The following WDFY2 variants were observed in gnomAD, a reference collection of about 807,000 sequenced individuals.
The protein encoded by WDFY2 is WD repeat and FYVE domain containing 2, also known as WD repeat and FYVE domain-containing protein 2.
In WDFY2, 36 loss-of-function variants were observed where a neutral mutation model predicts 56.4. The observed-to-expected ratio is 0.64, with a 90% CI of 0.49 to 0.84. The LOEUF is 0.84. Among genes scored for constraint, WDFY2 ranks in the 40% least tolerant of loss-of-function variants. The probability of loss-of-function intolerance (pLI) is 0.00; values close to 1 mark genes in which losing one functional copy is unlikely to be tolerated. For missense variants in WDFY2, 444 were observed against 512.2 expected, an observed-to-expected ratio of 0.87 and a Z score of 1.29; for synonymous variants, 176 against 183.7, an observed-to-expected ratio of 0.96 and a Z score of 0.34.
chr13:51,625,484 G>C (rs770029769), intron 1 of WDFY2, among the ~76,000 whole-genome samples: 17 of 152,148 alleles, frequency 1.1e-4, no homozygotes, highest in African/African-American at 4.1e-4. Flanking sequence ...AGGTAAATCT[G>C]TTCATCTTAA....
At chr13:51,609,421 G>C (rs1954446709) in intron 1 of WDFY2, among the ~76,000 whole-genome samples, 1 of 152,118 alleles carries the variant, frequency 6.6e-6, no homozygotes. Context: ...ATTGATAGTT[G>C]ACCTTGGAAA....
chr13:51,623,058 A>C (rs558392203), intron 1 of WDFY2, among the ~76,000 whole-genome samples: 1 of 152,096 alleles, frequency 6.6e-6, no homozygotes, highest in Non-Finnish European at 1.5e-5. Flanking sequence ...GGGTTTTGCC[A>C]TGTTGGCCAG....
chr13:51,757,805 T>C (rs1321843780), intron 10 of WDFY2, among the ~76,000 whole-genome samples: 2 of 151,288 alleles, frequency 1.3e-5, no homozygotes, highest in African/African-American at 2.4e-5. Flanking sequence ...CTTAGTAATA[T>C]CATGGGACAC....
At chr13:51,609,353 CA>C (rs753210468) in intron 1 of WDFY2, among the ~76,000 whole-genome samples, 8 of 152,144 alleles carry the variant, frequency 5.3e-5, no homozygotes, top group Non-Finnish European at 7.4e-5. Context: ...TTTTAGTCCT[CA>C]AAAGATTAGA....
chr13:51,661,264 G>A (rs926996969), intron 2 of WDFY2, among the ~76,000 whole-genome samples: 2 of 152,152 alleles, frequency 1.3e-5, no homozygotes, highest in Non-Finnish European at 2.9e-5. Context: ...CACAGCTGAA[G>A]AAGACCTGGC....
chr13:51,647,650 G>A (rs1257946260), intron 1 of WDFY2, among the ~76,000 whole-genome samples: 1 of 151,828 alleles, frequency 6.6e-6, no homozygotes, highest in Admixed American at 6.6e-5. Context: ...TTAGCTACTT[G>A]GGATGCTGAG....
At chr13:51,642,187 C>T (rs533546810) in intron 1 of WDFY2, among the ~76,000 whole-genome samples, 28 of 152,072 alleles carry the variant, frequency 1.8e-4, no homozygotes, top group South Asian at 6.2e-4. Context: ...CTGTGAATAC[C>T]GTATTCTATT....
chr13:51,651,225 ATAG>A (rs1002118228), intron 1 of WDFY2, among the ~76,000 whole-genome samples: 13 of 152,236 alleles, frequency 8.5e-5, no homozygotes, highest in African/African-American at 3.1e-4. Flanking sequence ...GTATTCTCTG[ATAG>A]TAGTTTGTAT....
chr13:51,636,880 G>C (rs1256888391), intron 1 of WDFY2, among the ~76,000 whole-genome samples: 1 of 152,068 alleles, frequency 6.6e-6, no homozygotes, highest in East Asian at 1.9e-4. Context: ...GGAACAATTG[G>C]GTACACACAT....
chr13:51,756,263 G>C, intron 9 of WDFY2, 69 bp from the exon 10 acceptor site: 1 of 1,548,578 alleles, frequency 6.5e-7, no homozygotes, highest in Non-Finnish European at 8.7e-7. Flanking sequence ...CTGCCAGGAG[G>C]GGTGAGATGC....
chr13:51,639,422 AATC>A (rs1955114774), intron 1 of WDFY2, among the ~76,000 whole-genome samples: 1 of 152,234 alleles, frequency 6.6e-6, no homozygotes, highest in Non-Finnish European at 1.5e-5. Flanking sequence ...ATTTATTCAA[AATC>A]ATCACTTTAT....
chr13:51,645,141 C>CT (rs1001885671), intron 1 of WDFY2, among the ~76,000 whole-genome samples: 2 of 148,838 alleles, frequency 1.3e-5, no homozygotes, highest in Admixed American at 6.7e-5. Flanking sequence ...TTTTTTTTTT[C>CT]TTTTTTTTCT....
rs1426735597 is a variant in WDFY2 at position 51,765,130 on chromosome 13, G to A, written c.*5361G>A. 1 of 152,238 alleles carries A rather than the reference G, an allele frequency of 6.6e-6. No homozygotes were observed. Among genetic ancestry groups the A allele is most frequent in the Non-Finnish European group, 1.5e-5 (1 of 68,064 alleles). The allele number at this position is 152,238 out of a possible 1,614,324, so 9.4% of individuals were successfully genotyped here. ...TCTGTCTGGGAGACCTGGCCCTGTGGAGGCAGGAACACCGTGCAGGGGCAT... is the reference window on the plus strand; with the variant it reads ...TCTGTCTGGGAGACCTGGCCCTGTGAAGGCAGGAACACCGTGCAGGGGCAT... On this transcript the variant is annotated 3_prime_UTR_variant, in exon 12 of 12. Coordinates refer to ENST00000298125, the MANE Select transcript of WDFY2 (RefSeq NM_052950.4).
chr13:51,624,945 A>G (rs1475123092), intron 1 of WDFY2, among the ~76,000 whole-genome samples: 1 of 152,222 alleles, frequency 6.6e-6, no homozygotes, highest in African/African-American at 2.4e-5. Flanking sequence ...TCACAAGACA[A>G]AAAGTGTTGT....
chr13:51,631,373 G>A (rs1230899622), intron 1 of WDFY2, among the ~76,000 whole-genome samples: 34 of 146,302 alleles, frequency 2.3e-4, no homozygotes, highest in Admixed American at 6.1e-4. Context: ...CCTGGGAGAT[G>A]AAGCAAGATC....
At chr13:51,716,233 G>C (rs1952343131) in intron 4 of WDFY2, among the ~76,000 whole-genome samples, 1 of 152,102 alleles carries the variant, frequency 6.6e-6, no homozygotes, top group African/African-American at 2.4e-5. Flanking sequence ...GTGGGAGTTG[G>C]GAATATAGAG....
intron 1 of WDFY2, among the ~76,000 whole-genome samples, chr13:51,619,508 A>G (rs1954686774): frequency 6.6e-6 from 1 of 152,184 alleles, no homozygotes; most frequent in Admixed American, 6.5e-5. Context: ...TTAAATTTAG[A>G]TAATGAAAAC....
At chr13:51,727,372 GC>G (rs1162210030) in intron 5 of WDFY2, among the ~76,000 whole-genome samples, 1 of 151,866 alleles carries the variant, frequency 6.6e-6, no homozygotes, top group Non-Finnish European at 1.5e-5. Context: ...GGCTCTTTTT[GC>G]TTATTTATTT....
chr13:51,733,402 G>T (rs1195255206), intron 6 of WDFY2, among the ~76,000 whole-genome samples: 1 of 152,182 alleles, frequency 6.6e-6, no homozygotes, highest in Admixed American at 6.5e-5. Flanking sequence ...GAACATTCCA[G>T]ACCTGCAGAA....
Sources: allele counts gnomAD v4.1 joint callset (sites outside exome capture counted in the v4.1 genomes callset), GRCh38; gene constraint gnomAD v4.1.1; transcripts MANE v1.5; gene names NCBI Gene and HGNC (gene_info 2026-07-23, HGNC 2026-07-21).